TMEM132D: variants seen among roughly 807,000 people sequenced by gnomAD.
TMEM132D encodes mature OL transmembrane protein.
TMEM132D carries 21 observed loss-of-function variants against 62.3 expected under a neutral mutation model. That is an observed-to-expected ratio of 0.34 (90% CI 0.24 to 0.49). The LOEUF (loss-of-function observed/expected upper bound fraction) is 0.49. Among genes scored for constraint, TMEM132D ranks in the 20% least tolerant of loss-of-function variants. The pLI, the probability that TMEM132D is intolerant of heterozygous loss-of-function variation, is 0.99. For synonymous variants in TMEM132D, 621 were observed against 575.6 expected, an observed-to-expected ratio of 1.08 and a Z score of -1.13; for missense variants, 1,346 against 1,402.8, an observed-to-expected ratio of 0.96 and a Z score of 0.65.
intron 3 of TMEM132D, among the ~76,000 whole-genome samples, chr12:129,384,275 A>T (rs966948958): frequency 2.0e-5 from 3 of 152,238 alleles, no homozygotes. Flanking sequence ...AAAACAAACA[A>T]GTGAAAATAA....
intron 3 of TMEM132D, among the ~76,000 whole-genome samples, chr12:129,407,363 C>G (rs1036698213): frequency 6.6e-6 from 1 of 152,098 alleles, no homozygotes; most frequent in Admixed American, 6.6e-5. Context: ...ATTCTGGGAT[C>G]CTTGGAAATG....
chr12:129,087,701 G>A (rs1874664594), intron 5 of TMEM132D, among the ~76,000 whole-genome samples: 1 of 152,208 alleles, frequency 6.6e-6, no homozygotes, highest in Non-Finnish European at 1.5e-5. Flanking sequence ...CGGCCCAGTG[G>A]AGCTGATTTC....
In TMEM132D at chr12:129,700,553, C is replaced by A. The variant is rs2137227635; in HGVS notation, c.225G>T (p.Leu75=). The change falls in exon 2 of 9, where the codon CTG becomes CTT. Residue 75 remains leucine (L), a synonymous_variant. Transcript: ENST00000422113. The part of the protein sequence containing the change: ...ANQDIMRNSS[L]QSRVESFLIY... ...TCAGAAATGACTCCACCCGGGACTG[C>A]AGGCTGGAGTTCCTCATGATATCCT... The A allele has an allele frequency of 6.2e-7, 1 of 1,614,066 alleles. No homozygotes were observed. The highest frequency in any genetic ancestry group is 8.5e-7 in the Non-Finnish European group (1 of 1,180,024).
At chr12:129,618,467 T>C (rs1199009283) in intron 2 of TMEM132D, among the ~76,000 whole-genome samples, 1 of 152,182 alleles carries the variant, frequency 6.6e-6, no homozygotes, top group African/African-American at 2.4e-5. Flanking sequence ...CAATGTTCCA[T>C]CCCATGGTTT....
At chr12:129,480,712 A>T (rs1038772751) in intron 3 of TMEM132D, among the ~76,000 whole-genome samples, 1 of 152,194 alleles carries the variant, frequency 6.6e-6, no homozygotes, top group African/African-American at 2.4e-5. Context: ...AATATGAGAA[A>T]GTTGGGCAAT....
chr12:129,216,063 C>G (rs1346601956), intron 4 of TMEM132D, among the ~76,000 whole-genome samples: 1 of 152,190 alleles, frequency 6.6e-6, no homozygotes, highest in Admixed American at 6.5e-5. Flanking sequence ...CAAACCATAT[C>G]AGACTGCCTG....
chr12:129,306,690 G>T (rs1421158743), intron 4 of TMEM132D, among the ~76,000 whole-genome samples: 1 of 152,142 alleles, frequency 6.6e-6, no homozygotes, highest in Non-Finnish European at 1.5e-5. Context: ...GCTGACTTTG[G>T]TTAACCCAGT....
intron 4 of TMEM132D, among the ~76,000 whole-genome samples, chr12:129,292,024 A>C (rs1306897599): frequency 1.3e-5 from 2 of 152,146 alleles, no homozygotes; most frequent in Non-Finnish European, 2.9e-5. Flanking sequence ...AGCCCCCACC[A>C]CCATGGAAGG....
rs897079729 is a variant in TMEM132D, at chr12:129,502,614, C to T, written c.1115+28445G>A. 4.6e-5 allele frequency among the ~76,000 whole-genome samples: 7 copies of T among 152,190 alleles called. No individual in the cohort carries two copies. The East Asian group carries it at 9.7e-4, about 21-fold the overall frequency. On this transcript the variant is annotated intron_variant, in intron 3 of 8. Coordinates refer to ENST00000422113, the MANE Select transcript of TMEM132D (RefSeq NM_133448.3). ...GTCTTTCCTCTGTGAGTACCCTTTT[C>T]AGGCAGAGAGCAATGCTATATGATA...
chr12:129,805,266 C>G (rs1365415074), intron 1 of TMEM132D, among the ~76,000 whole-genome samples: 5 of 152,086 alleles, frequency 3.3e-5, no homozygotes, highest in Non-Finnish European at 4.4e-5. Context: ...AAAGCTGGAG[C>G]CATCATGCTA....
intron 1 of TMEM132D, among the ~76,000 whole-genome samples, chr12:129,771,969 TAAAC>T (rs1870768381): frequency 6.6e-6 from 1 of 152,184 alleles, no homozygotes; most frequent in Non-Finnish European, 1.5e-5. Context: ...CTAAGTTATA[TAAAC>T]AAAGGACGGC....
chr12:129,225,230 A>G (rs7979744), intron 4 of TMEM132D, among the ~76,000 whole-genome samples: 48,386 of 152,162 alleles, frequency 0.32, 8,047 homozygotes, highest in Middle Eastern at 0.43. Context: ...ACTGGCGCAT[A>G]CTAAGCAAAG....
intron 4 of TMEM132D, among the ~76,000 whole-genome samples, chr12:129,223,632 A>G (rs1363686097): frequency 2.0e-5 from 3 of 152,210 alleles, no homozygotes; most frequent in Non-Finnish European, 4.4e-5. Flanking sequence ...TTGTGCAGCA[A>G]TAGATAACTG....
At chr12:129,405,869 G>A (rs902445419) in intron 3 of TMEM132D, among the ~76,000 whole-genome samples, 1 of 152,132 alleles carries the variant, frequency 6.6e-6, no homozygotes, top group African/African-American at 2.4e-5. Flanking sequence ...TTTCATGAAA[G>A]ATACCAGGTC....
chr12:129,901,292 C>T (rs1390040283), intron 1 of TMEM132D, among the ~76,000 whole-genome samples: 1 of 152,162 alleles, frequency 6.6e-6, no homozygotes, highest in African/African-American at 2.4e-5. Context: ...GTGATATGAA[C>T]ACATTGGGAA....
intron 5 of TMEM132D, among the ~76,000 whole-genome samples, chr12:129,208,406 G>A (rs569001007): frequency 1.5e-4 from 23 of 152,240 alleles, no homozygotes; most frequent in African/African-American, 4.8e-5. Context: ...CATGTGTTCC[G>A]CTGCCCTGTT....
intron 1 of TMEM132D, among the ~76,000 whole-genome samples, chr12:129,760,286 T>C (rs1870310109): frequency 6.6e-6 from 1 of 151,220 alleles, no homozygotes; most frequent in Non-Finnish European, 1.5e-5. Flanking sequence ...ATGACTTAAG[T>C]CTTAGTGCAA....
At chr12:129,478,651 G>A (rs947907780) in intron 3 of TMEM132D, among the ~76,000 whole-genome samples, 8 of 152,166 alleles carry the variant, frequency 5.3e-5, no homozygotes, top group African/African-American at 1.9e-4. Context: ...ATTTTGGCAC[G>A]TAGATTGTCT....
chr12:129,140,202 T>C (rs1005526547), intron 5 of TMEM132D, among the ~76,000 whole-genome samples: 1 of 127,856 alleles, frequency 7.8e-6, no homozygotes, highest in Admixed American at 8.6e-5. Flanking sequence ...AGGGAGATTT[T>C]AGGCGCTGTT....
Sources: gnomAD v4.1 joint callset for allele counts (sites outside exome capture counted in the v4.1 genomes callset) on GRCh38, gnomAD v4.1.1 for gene constraint, MANE v1.5 for transcripts, NCBI Gene and HGNC (gene_info 2026-07-23, HGNC 2026-07-21) for gene names.